MKI67: variants seen among roughly 807,000 people sequenced by gnomAD.
The protein encoded by MKI67 is proliferation marker protein Ki-67.
Under a neutral mutation model 233.5 loss-of-function variants are expected in MKI67, and 152 were observed. The observed-to-expected ratio is 0.65, with a 90% confidence interval of 0.57 to 0.74. MKI67 has a LOEUF of 0.74. Ranked by LOEUF, MKI67 falls within the 30% of genes least tolerant of loss-of-function variation. MKI67 has a pLI of 0.00. For synonymous variants in MKI67, 1,465 were observed against 1,418.5 expected (o/e 1.03, Z -0.74); for missense variants, 3,940 against 3,885.2 (o/e 1.01, Z -0.37).
chr10:128,124,979 C>G (rs1474107611), intron 2 of MKI67, among the ~76,000 whole-genome samples: 2 of 151,996 alleles, frequency 1.3e-5, no homozygotes, highest in Non-Finnish European at 2.9e-5. Context: ...GGGAAATGAC[C>G]ACACGGGAAA....
chr10:128,119,252 C>T lies in MKI67; in HGVS notation c.354+1G>A, dbSNP rs1036494972. 1 of 1,598,718 alleles carries T rather than the reference C, an allele frequency of 6.3e-7. No individual in the cohort carries two copies. The highest frequency in any genetic ancestry group is 1.7e-5 in the Admixed American group (1 of 59,794). On this transcript the variant is annotated splice_donor_variant, in intron 5 of 14. Transcript: ENST00000368654. LOFTEE classifies it high-confidence loss of function. ...GCCCAAACTTGGATATTTTCTATCA[C>T]CTGTTCACGTATTTTTCTTGGAAAT...
chr10:128,115,442 G>A lies in MKI67; in HGVS notation c.966C>T (p.Asp322=), dbSNP rs563924215. Residue 322 remains aspartate, a synonymous_variant, in exon 7 of 15, where the codon GAC becomes GAT. Transcript: ENST00000368654. ...TGCTGGGAGTCTGAACAGACTCCACGTCTCTTCCCTTCCCCTTGTTCTGGT... is the reference window on the plus strand; with the variant it reads ...TGCTGGGAGTCTGAACAGACTCCACATCTCTTCCCTTCCCCTTGTTCTGGT... ...ELDQNKGKGR[D]VESVQTPSKA... The A allele has an allele frequency of 7.4e-6, 12 of 1,613,782 alleles. No individual in the cohort carries two copies. Among genetic ancestry groups the A allele is most frequent in the Admixed American group, 5.0e-5 (3 of 59,914 alleles).
Position 128,115,025 on chromosome 10 carries a change from G to C in MKI67, c.1383C>G (p.Leu461=). The change falls in exon 7 of 15, where the codon CTC becomes CTG. Residue 461 remains leucine (L), a synonymous_variant. Coordinates refer to ENST00000368654, the MANE Select transcript of MKI67 (RefSeq NM_002417.5). ...TAGTGCCCAATTTCTCAGGCTTGCTGAGGGAATCCTTTTGGATCTTCCTCT... is the reference window on the plus strand; with the variant it reads ...TAGTGCCCAATTTCTCAGGCTTGCTCAGGGAATCCTTTTGGATCTTCCTCT... The part of the protein sequence containing the change: ...QVERKIQKDS[L]SKPEKLGTTA... The C allele has an allele frequency of 1.9e-6, 3 of 1,612,140 alleles. No individual in the cohort carries two copies. The highest frequency in any genetic ancestry group is 1.7e-6 in the Non-Finnish European group (2 of 1,178,174).
Position 128,108,703 on chromosome 10 carries a change from C to T in MKI67, c.3137G>A (p.Arg1046Gln), listed in dbSNP as rs772835814. The change falls in exon 13 of 15, where the codon CGG (arginine) becomes CAG (glutamine). Residue 1046 changes from arginine (R) to glutamine (Q), a missense_variant. Physicochemically the swap from Arg to Gln is conservative, Grantham distance 43. Transcript: ENST00000368654. ...CGTGTGCGTGGTCTCCCCTGACGTCCGTGTGAACTTGCCGACTGCTAGGAG... is the reference window on the plus strand; with the variant it reads ...CGTGTGCGTGGTCTCCCCTGACGTCTGTGTGAACTTGCCGACTGCTAGGAG... ...EELLAVGKFT[R>Q]TSGETTHTHR... The T allele has an allele frequency of 9.3e-6, 15 of 1,614,196 alleles. No homozygotes were observed. Among genetic ancestry groups the T allele is most frequent in the Admixed American group, 5.0e-5 (3 of 60,022 alleles).
Position 128,103,807 on chromosome 10 carries a change from T to A in MKI67, c.8033A>T (p.Asp2678Val). 6.2e-7 allele frequency: 1 copy of A among 1,614,018 alleles called. No homozygotes were observed. Among genetic ancestry groups the A allele is most frequent in the Non-Finnish European group, 8.5e-7 (1 of 1,180,006 alleles). ...AGAGAGCTCTGTGAAGCCGGCCAGG[T>A]CTTCCAGGGGTTGGGCCTTTTCCTT... ...APKEKAQPLE[D>V]LAGFTELSET... Residue 2678 changes from aspartate to valine, a missense_variant, in exon 13 of 15, where the codon GAC becomes GTC. Coordinates refer to ENST00000368654, the MANE Select transcript of MKI67 (RefSeq NM_002417.5).
chr10:128,111,371 C>T (rs1852670537), intron 11 of MKI67: 1 of 303,874 alleles, frequency 3.3e-6, no homozygotes, highest in Non-Finnish European at 6.0e-6. Flanking sequence ...TTCCAGCTTT[C>T]TATGTATACG....
At position 128,103,362 on chromosome 10, in the gene MKI67, T is replaced by C. The variant is rs565193179; in HGVS notation, c.8478A>G (p.Lys2826=). 52 of 1,614,082 alleles carry C rather than the reference T, an allele frequency of 3.2e-5. No homozygotes were observed. The East Asian group carries it at 3.3e-4, about 10-fold the overall frequency. Residue 2826 remains lysine, a synonymous_variant, in exon 13 of 15, where the codon AAA becomes AAG. Coordinates refer to ENST00000368654, the MANE Select transcript of MKI67 (RefSeq NM_002417.5). The part of the protein sequence containing the change: ...TDDKTTKIPC[K]SSPELEDTAT... ...CGGTGTCTTCTAGTTCTGGTGATGATTTGCAGGGTATTTTAGTGGTTTTGT... is the reference window on the plus strand; with the variant it reads ...CGGTGTCTTCTAGTTCTGGTGATGACTTGCAGGGTATTTTAGTGGTTTTGT...
rs1564998585 is a variant in MKI67 at position 128,103,031 on chromosome 10, C to G, written c.8809G>C (p.Gly2937Arg). 34 of 1,614,240 alleles carry G rather than the reference C, an allele frequency of 2.1e-5. No homozygotes were observed. The highest frequency in any genetic ancestry group is 2.9e-5 in the Non-Finnish European group (34 of 1,180,046). ...GCGCTTGTAAAGCTATCAGCAGCAC[C>G]ATTTGCCAGTTCCTCAGTGTGGCCT... is the stretch of plus-strand genomic sequence containing the variant. Reference protein sequence around the residue: ...TPGHTEELANGAADSFTSAPK... With the variant: ...TPGHTEELANRAADSFTSAPK... The change falls in exon 13 of 15, where the codon GGT becomes CGT. Residue 2937 changes from glycine (G) to arginine (R), a missense_variant. Gly to Arg is a moderately radical substitution (Grantham distance 125, BLOSUM62 -2). Transcript: ENST00000368654.
At position 128,098,274 on chromosome 10, in the gene MKI67, TCA is replaced by T. The variant is rs1360937560; in HGVS notation, c.*914_*915del. ...AATCGTGGCTGAAGGTGCTGAGTGC[TCA>T]GTCTCTCCAAGGATGATGATGCTTT... On this transcript the variant is annotated 3_prime_UTR_variant, in exon 15 of 15. Transcript: ENST00000368654. The T allele has an allele frequency of 6.6e-6, 1 of 152,248 alleles. No individual in the cohort carries two copies. The highest frequency in any genetic ancestry group is 1.5e-5 in the Non-Finnish European group (1 of 68,050). 9.4% of individuals were successfully genotyped at this position (152,248 alleles called of 1,614,324 possible).
intron 7 of MKI67, among the ~76,000 whole-genome samples, chr10:128,114,440 G>A (rs1852750177): frequency 6.6e-6 from 1 of 152,186 alleles, no homozygotes; most frequent in Admixed American, 6.5e-5. Flanking sequence ...GGACTCATGG[G>A]TACAGTCCAG....
At chr10:128,110,260 TG>T in intron 12 of MKI67, 117 bp downstream of exon 12, 1 of 743,352 alleles carries the variant, frequency 1.3e-6, no homozygotes, top group Non-Finnish European at 2.0e-6. Context: ...AAGACGGAAA[TG>T]GTATTTTGTG....
rs754507213 is a variant in MKI67, at chr10:128,116,007, T to A, written c.401A>T (p.Asp134Val). 1.9e-6 allele frequency: 3 copies of A among 1,568,046 alleles called. No homozygotes were observed. The highest frequency in any genetic ancestry group is 1.2e-5 in the South Asian group (1 of 84,254). Residue 134 changes from aspartate to valine, a missense_variant and splice_region_variant, in exon 7 of 15, where the codon GAT becomes GTT. Asp to Val is a radical substitution (Grantham distance 152). Transcript: ENST00000368654. The stretch of plus-strand genomic sequence containing the variant: ...GGCCTTGGAATCTTGAGCTTTCTCA[T>A]CTTGGCAATGAATTATGAAATAAGA... Reference protein sequence around the residue: ...VSRSSFSSDPDEKAQDSKAYS... With the variant: ...VSRSSFSSDPVEKAQDSKAYS...
chr10:128,122,464 A>G (rs1033345943), intron 4 of MKI67, among the ~76,000 whole-genome samples: 2 of 152,142 alleles, frequency 1.3e-5, no homozygotes, highest in African/African-American at 2.4e-5. Context: ...ATTTCGGGAG[A>G]GCACAAATCA....
chr10:128,109,850 T>G (rs1489330168), intron 12 of MKI67, among the ~76,000 whole-genome samples: 1 of 152,198 alleles, frequency 6.6e-6, no homozygotes, highest in Non-Finnish European at 1.5e-5. Context: ...AATATTTACC[T>G]ACCGCAAACA....
In MKI67 at chr10:128,111,722, T is replaced by A. The variant is rs1039822838; in HGVS notation, c.2183A>T (p.His728Leu). Residue 728 changes from histidine (H) to leucine (L), a missense_variant, in exon 11 of 15, where the codon CAT (histidine) becomes CTT (leucine). Coordinates refer to ENST00000368654, the MANE Select transcript of MKI67 (RefSeq NM_002417.5). ...IIGKAHTEKVHVPARPYRVLN... is the reference protein window; with the variant it reads ...IIGKAHTEKVLVPARPYRVLN... ...CACTCTGTAGGGTCGAGCAGGCACA[T>A]GTACTTTTTCAGTATGAGCTTTCCC... The A allele has an allele frequency of 6.2e-7, 1 of 1,614,194 alleles. No individual in the cohort carries two copies. Among genetic ancestry groups the A allele is most frequent in the Non-Finnish European group, 8.5e-7 (1 of 1,180,024 alleles).
intron 4 of MKI67, among the ~76,000 whole-genome samples, chr10:128,122,000 G>C (rs1293845228): frequency 1.3e-5 from 2 of 152,108 alleles, no homozygotes; most frequent in Non-Finnish European, 2.9e-5. Flanking sequence ...AGACGTTTAT[G>C]ATATCCTAAA....
rs757004316 is a variant in MKI67, at chr10:128,107,385, A to G, written c.4455T>C (p.Thr1485=). ...AGGCTATTTTGGTAGTTTTCTCGTG[A>G]GTCGTGGGCTTGTCAGTGCATACTG... The part of the protein sequence containing the change: ...QTPVCTDKPT[T]HEKTTKIACR... The change falls in exon 13 of 15, where the codon ACT becomes ACC. Residue 1485 remains threonine (T), a synonymous_variant. Coordinates refer to ENST00000368654, the MANE Select transcript of MKI67 (RefSeq NM_002417.5). The G allele has an allele frequency of 4.3e-6, 7 of 1,612,886 alleles. No homozygotes were observed. The highest frequency in any genetic ancestry group is 5.9e-6 in the Non-Finnish European group (7 of 1,179,834).
At chr10:128,112,550 G>A in intron 8 of MKI67, 105 bp from the exon 9 acceptor site, 1 of 1,131,224 alleles carries the variant, frequency 8.8e-7, no homozygotes, top group Non-Finnish European at 1.3e-6. Context: ...TTTAAATCTT[G>A]AAGCATCAAA....
Position 128,105,989 on chromosome 10 carries a change from G to T in MKI67, c.5851C>A (p.Leu1951Ile), listed in dbSNP as rs34116632. 1.1e-3 allele frequency: 1,757 copies of T among 1,614,188 alleles called. 20 individuals are homozygous for T. The African/African-American group carries it at 0.02, about 18-fold the overall frequency. The change falls in exon 13 of 15, where the codon CTA (leucine) becomes ATA (isoleucine). Residue 1951 changes from leucine (L) to isoleucine (I), a missense_variant. By Grantham distance (5) the Leu-to-Ile change is conservative. Coordinates refer to ENST00000368654, the MANE Select transcript of MKI67 (RefSeq NM_002417.5). ...PQTPKEKAKA[L>I]EDLAGFKELF... ...TCTTTGAAGCCAGCCAGATCTTCTA[G>T]AGCCTTGGCCTTTTCTTTAGGAGTT...
Sources: allele counts gnomAD v4.1 joint callset (sites outside exome capture counted in the v4.1 genomes callset), GRCh38; gene constraint gnomAD v4.1.1; transcripts MANE v1.5; gene names NCBI Gene and HGNC (gene_info 2026-07-23, HGNC 2026-07-21).